The following BRMS1L variants were observed in gnomAD, a reference collection of about 807,000 sequenced individuals.
The protein encoded by BRMS1L is BRMS1 like transcriptional repressor, also known as breast cancer metastasis-suppressor 1-like protein.
BRMS1L carries 23 observed loss-of-function variants against 50.3 expected under a neutral mutation model. The ratio of observed to expected loss-of-function variants is 0.46; its 90% CI spans 0.33 to 0.65. The LOEUF is 0.65. BRMS1L is among the 30% of genes least tolerant of loss of function. The probability of loss-of-function intolerance (pLI) is 0.02; values close to 1 mark genes in which losing one functional copy is unlikely to be tolerated. For synonymous variants in BRMS1L, 114 were observed against 126.9 expected, an observed-to-expected ratio of 0.90 and a Z score of 0.69; for missense variants, 286 against 386.1, an observed-to-expected ratio of 0.74 and a Z score of 2.17.
At chr14:35,832,838 C>T (rs1177895021) in intron 2 of BRMS1L, 140 bp from the exon 3 acceptor site, 17 of 670,840 alleles carry the variant, frequency 2.5e-5, no homozygotes, top group Non-Finnish European at 4.0e-5. Flanking sequence ...ACTGAGTTCT[C>T]TGCTTGAGAT....
intron 4 of BRMS1L, among the ~76,000 whole-genome samples, chr14:35,860,132 A>G (rs2078330817): frequency 6.6e-6 from 1 of 151,542 alleles, no homozygotes; most frequent in African/African-American, 2.4e-5. Context: ...AGTTAAAATC[A>G]TTTTTCTTTT....
At chr14:35,846,458 C>T (rs2078135997) in intron 4 of BRMS1L, among the ~76,000 whole-genome samples, 2 of 150,882 alleles carry the variant, frequency 1.3e-5, no homozygotes, top group African/African-American at 2.4e-5. Context: ...ATTTAGTTTT[C>T]ATGTCTTTTT....
At chr14:35,854,675 GCTGT>G (rs1285485443) in intron 4 of BRMS1L, among the ~76,000 whole-genome samples, 1 of 152,088 alleles carries the variant, frequency 6.6e-6, no homozygotes, top group Non-Finnish European at 1.5e-5. Context: ...AAGGTTCTTT[GCTGT>G]CTAAGTCTAC....
chr14:35,866,171 T>G (rs906126534), intron 8 of BRMS1L: 1 of 159,140 alleles, frequency 6.3e-6, no homozygotes, highest in African/African-American at 2.4e-5. Flanking sequence ...TATGCCTTAG[T>G]AAAATTCATA....
chr14:35,826,445 C>T lies in BRMS1L; in HGVS notation c.-72C>T. 6.5e-7 allele frequency: 1 copy of T among 1,544,680 alleles called. No homozygotes were observed. Among genetic ancestry groups the T allele is most frequent in the Non-Finnish European group, 8.7e-7 (1 of 1,145,604 alleles). ...GGTGGCTGGGTGGGTTGGGGCGTTCCGCGCGCCCTTCATTGAAGCGGCGGT... is the reference window on the plus strand; with the variant it reads ...GGTGGCTGGGTGGGTTGGGGCGTTCTGCGCGCCCTTCATTGAAGCGGCGGT... On this transcript the variant is annotated 5_prime_UTR_variant, in exon 1 of 10. Transcript: ENST00000216807.
At chr14:35,858,287 A>G (rs760661451) in intron 4 of BRMS1L, among the ~76,000 whole-genome samples, 2 of 152,036 alleles carry the variant, frequency 1.3e-5, no homozygotes, top group African/African-American at 2.4e-5. Context: ...CAACCCCTCT[A>G]TCCCTCGTGT....
intron 4 of BRMS1L, among the ~76,000 whole-genome samples, chr14:35,844,259 C>T (rs112496192): frequency 0.028 from 4,300 of 152,246 alleles, 155 homozygotes; most frequent in African/African-American, 0.081. Context: ...ACAGCTAGCC[C>T]GGTGTCTGCC....
chr14:35,845,150 T>C (rs981067187), intron 4 of BRMS1L, among the ~76,000 whole-genome samples: 2 of 152,228 alleles, frequency 1.3e-5, no homozygotes, highest in African/African-American at 2.4e-5. Flanking sequence ...ATTTTCCATG[T>C]AGATAATAAT....
At chr14:35,845,410 A>G (rs1051077134) in intron 4 of BRMS1L, among the ~76,000 whole-genome samples, 2 of 152,082 alleles carry the variant, frequency 1.3e-5, no homozygotes, top group Non-Finnish European at 2.9e-5. Context: ...TTTTTTTCTC[A>G]GAATTTTTAC....
At chr14:35,855,171 T>C (rs2078264528) in intron 4 of BRMS1L, among the ~76,000 whole-genome samples, 1 of 152,218 alleles carries the variant, frequency 6.6e-6, no homozygotes, top group African/African-American at 2.4e-5. Context: ...TACCAGCAGA[T>C]TCCTTTAAGG....
intron 4 of BRMS1L, among the ~76,000 whole-genome samples, chr14:35,855,911 T>G (rs1195949817): frequency 6.6e-6 from 1 of 152,216 alleles, no homozygotes; most frequent in East Asian, 1.9e-4. Context: ...AGTAATTTGC[T>G]CAGGGTCACA....
chr14:35,826,465 G>A lies in BRMS1L; in HGVS notation c.-52G>A. 1.3e-6 allele frequency: 2 copies of A among 1,551,694 alleles called. No homozygotes were observed. The highest frequency in any genetic ancestry group is 2.4e-5 in the South Asian group (2 of 84,196). On this transcript the variant is annotated 5_prime_UTR_variant, in exon 1 of 10. Transcript: ENST00000216807. Reference sequence around the variant, plus strand: ...CGTTCCGCGCGCCCTTCATTGAAGCGGCGGTGGCCGGGCTGGGCGCCGGTA... The same window carrying A: ...CGTTCCGCGCGCCCTTCATTGAAGCAGCGGTGGCCGGGCTGGGCGCCGGTA...
At chr14:35,853,426 T>C (rs1033652033) in intron 4 of BRMS1L, among the ~76,000 whole-genome samples, 18 of 152,222 alleles carry the variant, frequency 1.2e-4, no homozygotes, top group African/African-American at 4.1e-4. Context: ...ATGATAATGA[T>C]GATTTTTTGA....
At chr14:35,828,599 G>A (rs985912077) in intron 1 of BRMS1L, among the ~76,000 whole-genome samples, 2 of 149,906 alleles carry the variant, frequency 1.3e-5, no homozygotes, top group Admixed American at 6.7e-5. Flanking sequence ...TCAGCCTCCC[G>A]AGTAGCTGGG....
At chr14:35,826,938 C>T (rs188544210) in intron 1 of BRMS1L, among the ~76,000 whole-genome samples, 4 of 152,200 alleles carry the variant, frequency 2.6e-5, no homozygotes, top group Non-Finnish European at 4.4e-5. Flanking sequence ...CCAGCCCAGG[C>T]GGACAACTTC....
At position 35,834,869 on chromosome 14, in the gene BRMS1L, A is replaced by C. The variant is rs750778447; in HGVS notation, c.387A>C (p.Glu129Asp). 7 of 1,589,278 alleles carry C rather than the reference A, an allele frequency of 4.4e-6. No homozygotes were observed. In the South Asian group the frequency reaches 7.1e-5, roughly 16 times the overall value. The part of the protein sequence containing the change: ...VAGIYRELCL[E>D]SVKNKYECEI... ...GAATCTATAGAGAGCTCTGCTTAGA[A>C]TCTGTAAAGAACAAATATGAATGTG... The change falls in exon 4 of 10, where the codon GAA (glutamate) becomes GAC (aspartate). Residue 129 changes from glutamate to aspartate, a missense_variant. Glu to Asp is a conservative substitution (Grantham distance 45). Transcript: ENST00000216807.
At chr14:35,853,400 A>G (rs2078239020) in intron 4 of BRMS1L, among the ~76,000 whole-genome samples, 1 of 151,140 alleles carries the variant, frequency 6.6e-6, no homozygotes, top group Admixed American at 6.6e-5. Flanking sequence ...TGATGATGTT[A>G]ATGATGATGA....
chr14:35,843,195 A>G (rs536210825), intron 4 of BRMS1L, among the ~76,000 whole-genome samples: 1 of 152,308 alleles, frequency 6.6e-6, no homozygotes, highest in South Asian at 2.1e-4. Context: ...CGTCAAGCTC[A>G]TTCTCTGTCC....
intron 4 of BRMS1L, among the ~76,000 whole-genome samples, chr14:35,837,395 T>C (rs891820544): frequency 6.6e-6 from 1 of 152,246 alleles, no homozygotes; most frequent in African/African-American, 2.4e-5. Flanking sequence ...AATGCCCATA[T>C]ATGAGCTGGC....
Sources: allele counts gnomAD v4.1 joint callset (sites outside exome capture counted in the v4.1 genomes callset), GRCh38; gene constraint gnomAD v4.1.1; transcripts MANE v1.5; gene names NCBI Gene and HGNC (gene_info 2026-07-23, HGNC 2026-07-21).